CD99: variants seen among roughly 807,000 people sequenced by gnomAD.
CD99 encodes CD99 molecule (Xg blood group).
A neutral mutation model predicts 28.4 loss-of-function variants in CD99; 19 were observed. The observed-to-expected ratio is 0.67, with a 90% confidence interval of 0.47 to 0.98. The LOEUF is 0.98. Ranked by LOEUF, CD99 falls within the 50% of genes least tolerant of loss-of-function variation. The pLI is 0.00. For missense variants in CD99, 283 were observed against 248.8 expected, an observed-to-expected ratio of 1.14 and a Z score of -0.92; for synonymous variants, 103 against 92.1, an observed-to-expected ratio of 1.12 and a Z score of -0.67.
intron 3 of CD99, chrX:2,718,146 G>A (rs762651501): frequency 8.0e-5 from 13 of 161,604 alleles, no homozygotes; most frequent in Admixed American, 7.2e-4. Flanking sequence ...TCACTATGTC[G>A]GCCAGGCTGG....
intron 1 of CD99, among the ~76,000 whole-genome samples, chrX:2,694,868 ATTGT>A (rs1359627079): frequency 3.9e-5 from 6 of 152,098 alleles, no homozygotes; most frequent in Non-Finnish European, 5.9e-5. Context: ...CAAGTAAATG[ATTGT>A]TTGTCTGGAA....
chrX:2,719,188 A>C, intron 3 of CD99: 1 of 159,726 alleles, frequency 6.3e-6, no homozygotes. Context: ...TGCTAGAGCC[A>C]TGTTTTAGAC....
intron 1 of CD99, among the ~76,000 whole-genome samples, chrX:2,697,808 T>A (rs2047646544): frequency 6.6e-6 from 1 of 152,086 alleles, no homozygotes; most frequent in African/African-American, 2.4e-5. Context: ...AACACAGGGC[T>A]GTCTTCGATG....
chrX:2,733,486 T>C (rs750199448), intron 8 of CD99: 2 of 1,143,480 alleles, frequency 1.7e-6, no homozygotes, highest in South Asian at 2.7e-5. Context: ...CTCGCCCTGC[T>C]GGCAAATTCC....
At chrX:2,713,382 T>C (rs1016205458) in intron 1 of CD99, among the ~76,000 whole-genome samples, 6 of 137,856 alleles carry the variant, frequency 4.4e-5, no homozygotes, top group African/African-American at 1.5e-4. Context: ...CCTACACATA[T>C]GCACATACAC....
rs372340245 is a variant in CD99 at position 2,691,824 on chromosome X, G to C, written c.67+397G>C. The C allele has an allele frequency of 1.7e-3, 1,359 of 777,052 alleles. 9 individuals carry two copies. In the African/African-American group the frequency reaches 0.021, roughly 12 times the overall value. 48.1% of individuals were successfully genotyped at this position (777,052 alleles called of 1,614,324 possible). On this transcript the variant is annotated intron_variant, in intron 1 of 9. Coordinates refer to ENST00000381192, the MANE Select transcript of CD99 (RefSeq NM_002414.5). Reference sequence around the variant, plus strand: ...CTGCGTCTTCAGGCCGCGCGCGGAGGCCGCCCTGGAGTTGCCTGTCACAGC... The same window carrying C: ...CTGCGTCTTCAGGCCGCGCGCGGAGCCCGCCCTGGAGTTGCCTGTCACAGC...
intron 1 of CD99, among the ~76,000 whole-genome samples, chrX:2,710,929 G>A (rs1462817332): frequency 7.4e-6 from 1 of 135,112 alleles, no homozygotes; most frequent in Non-Finnish European, 1.5e-5. Context: ...GGAGTGCAGT[G>A]GCATGATCTC....
Position 2,740,994 on chromosome X carries a change from C to T in CD99, c.*190C>T. 2 of 696,440 alleles carry T rather than the reference C, an allele frequency of 2.9e-6. No individual in the cohort carries two copies. Among genetic ancestry groups the T allele is most frequent in the Non-Finnish European group, 5.0e-6 (2 of 396,432 alleles). 43.1% of individuals were successfully genotyped at this position (696,440 alleles called of 1,614,324 possible). A position where few individuals can be genotyped will look rare whatever the true frequency, so the allele number is the denominator to read the frequency against. ...TGATGTTTACTAACGATGAATTTTA[C>T]ATCCAAAGGGGGATAGGCACTTGGA... is the stretch of plus-strand genomic sequence containing the variant. On this transcript the variant is annotated 3_prime_UTR_variant, in exon 10 of 10. Coordinates refer to ENST00000381192, the MANE Select transcript of CD99 (RefSeq NM_002414.5).
chrX:2,736,319 T>C (rs1158993479), intron 8 of CD99, among the ~76,000 whole-genome samples: 1 of 151,964 alleles, frequency 6.6e-6, no homozygotes. Flanking sequence ...GCACGGTCTT[T>C]GTGAGGGGGA....
intron 8 of CD99, among the ~76,000 whole-genome samples, chrX:2,736,955 A>T (rs1159112409): frequency 6.6e-6 from 1 of 152,028 alleles, no homozygotes; most frequent in Non-Finnish European, 1.5e-5. Context: ...AAAACCGGGT[A>T]CACAAGACGC....
intron 1 of CD99, among the ~76,000 whole-genome samples, chrX:2,710,514 G>GTTGT (rs1556311100): frequency 6.7e-6 from 1 of 149,926 alleles, no homozygotes; most frequent in African/African-American, 2.5e-5. Context: ...CACGTGTGGG[G>GTTGT]TTTTTTTTTG....
chrX:2,720,441 C>A lies in CD99; in HGVS notation c.262+17C>A. The stretch of plus-strand genomic sequence containing the variant: ...GTTCCTCCGGTAAGAGTCTCTGACC[C>A]TGTGGGATGTCTTCATGTTGTTCAG... On this transcript the variant is annotated intron_variant, in intron 5 of 9. Coordinates refer to ENST00000381192, the MANE Select transcript of CD99 (RefSeq NM_002414.5). 1 of 1,608,784 alleles carries A rather than the reference C, an allele frequency of 6.2e-7. No homozygotes were observed. The highest frequency in any genetic ancestry group is 8.5e-7 in the Non-Finnish European group (1 of 1,175,274).
intron 1 of CD99, among the ~76,000 whole-genome samples, chrX:2,713,723 G>T (rs1392366503): frequency 6.6e-6 from 1 of 152,210 alleles, no homozygotes; most frequent in Admixed American, 6.5e-5. Flanking sequence ...GAGAGATGTT[G>T]TATGCCTTTG....
chrX:2,710,419 G>C (rs2048340663), intron 1 of CD99, among the ~76,000 whole-genome samples: 1 of 152,106 alleles, frequency 6.6e-6, no homozygotes, highest in South Asian at 2.1e-4. Flanking sequence ...TTTAGTGACG[G>C]TGTCTATGAT....
At chrX:2,719,366 C>G (rs1256835147) in intron 3 of CD99, 4 of 415,772 alleles carry the variant, frequency 9.6e-6, no homozygotes. Context: ...CAACACAATT[C>G]ATTTATAAAT....
chrX:2,700,278 G>A (rs902153882), intron 1 of CD99, among the ~76,000 whole-genome samples: 9 of 152,168 alleles, frequency 5.9e-5, no homozygotes, highest in Admixed American at 5.2e-4. Flanking sequence ...TCCTGGTGGT[G>A]AACTTAGACC....
At chrX:2,710,881 T>A (rs1254705838) in intron 1 of CD99, among the ~76,000 whole-genome samples, 1 of 146,954 alleles carries the variant, frequency 6.8e-6, no homozygotes, top group Non-Finnish European at 1.5e-5. Flanking sequence ...TTTTTTTTTT[T>A]TTTTTTTGAG....
chrX:2,713,807 C>T (rs192596032), intron 1 of CD99, among the ~76,000 whole-genome samples: 4 of 152,136 alleles, frequency 2.6e-5, no homozygotes, highest in African/African-American at 4.8e-5. Context: ...CAGTCCAAGT[C>T]GACTTTTCCA....
At chrX:2,731,505 G>T (rs1603292913) in intron 8 of CD99, among the ~76,000 whole-genome samples, 1 of 152,106 alleles carries the variant, frequency 6.6e-6, no homozygotes, top group African/African-American at 2.4e-5. Flanking sequence ...CAGGAGAATC[G>T]CTTGAACCCA....
Sources: allele counts gnomAD v4.1 joint callset (sites outside exome capture counted in the v4.1 genomes callset), GRCh38; gene constraint gnomAD v4.1.1; transcripts MANE v1.5; gene names NCBI Gene and HGNC (gene_info 2026-07-23, HGNC 2026-07-21).